The following LAPTM5 variants were observed in gnomAD, a reference collection of about 807,000 sequenced individuals.
LAPTM5 encodes the protein lysosomal-associated transmembrane protein 5.
In LAPTM5, 11 loss-of-function variants were observed where a neutral mutation model predicts 30.1. That is an observed-to-expected ratio of 0.37 (90% CI 0.23 to 0.60). The LOEUF (loss-of-function observed/expected upper bound fraction) is 0.60. Ranked by LOEUF, LAPTM5 falls within the 20% of genes least tolerant of loss-of-function variation. The pLI is 0.71. For missense variants in LAPTM5, 324 were observed against 332.5 expected (o/e 0.97, Z 0.20); for synonymous variants, 151 against 137.9 (o/e 1.10, Z -0.67).
chr1:30,735,462 G>A (rs911779750), intron 6 of LAPTM5, among the ~76,000 whole-genome samples, 197 bp from the exon 7 acceptor site: 12 of 152,082 alleles, frequency 7.9e-5, no homozygotes, highest in African/African-American at 2.9e-4. Flanking sequence ...CCTTTTCATT[G>A]CCCCACAGAT....
At chr1:30,749,341 T>C (rs1640095861) in intron 1 of LAPTM5, among the ~76,000 whole-genome samples, 1 of 152,112 alleles carries the variant, frequency 6.6e-6, no homozygotes, top group Non-Finnish European at 1.5e-5. Context: ...GGCGGGGCAG[T>C]GGCGAGGCGG....
chr1:30,749,035 A>G (rs1411027919), intron 1 of LAPTM5, among the ~76,000 whole-genome samples: 2 of 152,266 alleles, frequency 1.3e-5, no homozygotes, highest in African/African-American at 4.8e-5. Context: ...GTGGACACCC[A>G]GCACGGAGCC....
rs1640042928 is a variant in LAPTM5, at chr1:30,746,234, GA to G, written c.88-3686del. On this transcript the variant is annotated intron_variant, in intron 1 of 7. Coordinates refer to ENST00000294507, the MANE Select transcript of LAPTM5 (RefSeq NM_006762.3). The surrounding 1 kb of genome is among the most constrained non-coding windows in gnomAD (Gnocchi z 4.0). Reference sequence around the variant, plus strand: ...TTCCCCTGGGGCCATTGGGATGACAGAACGCAGGAGGGTCAGTGGGGTGGAG... The same window carrying G: ...TTCCCCTGGGGCCATTGGGATGACAGACGCAGGAGGGTCAGTGGGGTGGAG... 6.6e-6 allele frequency: 1 copy of G among 152,272 alleles called. No homozygotes were observed. The highest frequency in any genetic ancestry group is 1.5e-5 in the Non-Finnish European group (1 of 68,110). 9.4% of individuals were successfully genotyped at this position (152,272 alleles called of 1,614,324 possible).
At chr1:30,738,878 G>T in intron 5 of LAPTM5, 62 bp downstream of exon 5, 1 of 1,532,948 alleles carries the variant, frequency 6.5e-7, no homozygotes, top group Non-Finnish European at 8.8e-7. Flanking sequence ...ACAGAGACGT[G>T]AAGTAACCTG....
At chr1:30,750,656 A>G (rs1251372367) in intron 1 of LAPTM5, among the ~76,000 whole-genome samples, 6 of 152,134 alleles carry the variant, frequency 3.9e-5, no homozygotes, top group Non-Finnish European at 8.8e-5. Flanking sequence ...CCCCCATCCC[A>G]TGGCTGCCAG....
intron 6 of LAPTM5, among the ~76,000 whole-genome samples, chr1:30,736,440 T>G (rs959751196): frequency 1.3e-5 from 2 of 152,098 alleles, no homozygotes; most frequent in Admixed American, 1.3e-4. Flanking sequence ...TTGGTTTTTG[T>G]TTTTTGTTTT....
At chr1:30,741,954 AC>A in intron 2 of LAPTM5, 1 of 409,076 alleles carries the variant, frequency 2.4e-6, no homozygotes, top group Non-Finnish European at 4.5e-6. Flanking sequence ...GCTGGGGTCC[AC>A]TTCAGCCAGG....
chr1:30,753,451 C>T (rs1640165589), intron 1 of LAPTM5, among the ~76,000 whole-genome samples: 1 of 152,190 alleles, frequency 6.6e-6, no homozygotes, highest in African/African-American at 2.4e-5. Context: ...GTCAAGTTGG[C>T]AGAACCTTTT....
At chr1:30,753,817 A>G (rs2124201304) in intron 1 of LAPTM5, among the ~76,000 whole-genome samples, 1 of 152,310 alleles carries the variant, frequency 6.6e-6, no homozygotes, top group South Asian at 2.1e-4. Context: ...GCACCACACT[A>G]ACGTTGAGAC....
At position 30,737,636 on chromosome 1, in the gene LAPTM5, A is replaced by G; in HGVS notation, c.574T>C (p.Ser192Pro). ...ATAAGGACAGTGATGAAGGCGATGG[A>G]AAAGATGATCATCATCTTGATGAAC... is the stretch of plus-strand genomic sequence containing the variant. Reference protein sequence around the residue: ...NQFIKMMIIFSIAFITVLIFK... With the variant: ...NQFIKMMIIFPIAFITVLIFK... The change falls in exon 6 of 8, where the codon TCC (serine) becomes CCC (proline). Residue 192 changes from serine to proline, a missense_variant. By Grantham distance (74) the Ser-to-Pro change is moderately conservative (BLOSUM62 -1). Coordinates refer to ENST00000294507, the MANE Select transcript of LAPTM5 (RefSeq NM_006762.3). The G allele has an allele frequency of 6.2e-7, 1 of 1,613,600 alleles. No homozygotes were observed. Among genetic ancestry groups the G allele is most frequent in the Non-Finnish European group, 8.5e-7 (1 of 1,179,618 alleles).
intron 3 of LAPTM5, 95 bp downstream of exon 3, chr1:30,741,545 C>T: frequency 1.2e-6 from 1 of 828,126 alleles, no homozygotes; most frequent in Non-Finnish European, 1.8e-6. Context: ...CCTAACATAC[C>T]CGCCTCCCAC....
chr1:30,738,792 C>G, intron 5 of LAPTM5, 148 bp downstream of exon 5: 1 of 867,146 alleles, frequency 1.2e-6, no homozygotes, highest in South Asian at 1.8e-5. Flanking sequence ...TGAGAGGGCT[C>G]CCTCAATAAA....
rs536309221 is a variant in LAPTM5 at position 30,733,705 on chromosome 1, G to A, written c.*123C>T. ...GAGCAGGCCAGCGAGGGAGACACAA[G>A]CAGATTGTCCTGCCAGGGAGGGGCG... is the stretch of plus-strand genomic sequence containing the variant. On this transcript the variant is annotated 3_prime_UTR_variant, in exon 8 of 8. Coordinates refer to ENST00000294507, the MANE Select transcript of LAPTM5 (RefSeq NM_006762.3). 1.7e-5 allele frequency: 26 copies of A among 1,533,570 alleles called. 1 individual carries two copies. In the South Asian group the frequency reaches 3.1e-4, roughly 18 times the overall value. 95.0% of individuals were successfully genotyped at this position (1,533,570 alleles called of 1,614,324 possible). A position where few individuals can be genotyped will look rare whatever the true frequency, so the allele number is the denominator to read the frequency against.
Position 30,739,405 on chromosome 1 carries a change from G to A in LAPTM5, c.388-343C>T, listed in dbSNP as rs915475690. 6.6e-6 allele frequency among the ~76,000 whole-genome samples: 1 copy of A among 152,176 alleles called. No individual in the cohort carries two copies. The highest frequency in any genetic ancestry group is 1.5e-5 in the Non-Finnish European group (1 of 68,042). On this transcript the variant is annotated intron_variant, in intron 4 of 7. Transcript: ENST00000294507. The surrounding 1 kb of genome is among the most constrained non-coding windows in gnomAD (Gnocchi z 4.2). ...GCCCTCAAGCCACCCCACAGTGGGC[G>A]CTCACTGGCATGAATCATCCTTCTC...
At chr1:30,741,590 G>T in intron 3 of LAPTM5, 50 bp downstream of exon 3, 2 of 1,423,920 alleles carry the variant, frequency 1.4e-6, no homozygotes, top group East Asian at 2.5e-5. Context: ...CCACCAGTGG[G>T]TGTGAATAAC....
intron 3 of LAPTM5, among the ~76,000 whole-genome samples, chr1:30,741,259 A>G: frequency 6.6e-6 from 1 of 152,074 alleles, no homozygotes; most frequent in South Asian, 2.1e-4. Context: ...CCTCTCATCC[A>G]TTACAAAATC....
intron 1 of LAPTM5, among the ~76,000 whole-genome samples, chr1:30,747,203 G>A (rs1052975943): frequency 6.6e-6 from 1 of 152,192 alleles, no homozygotes; most frequent in African/African-American, 2.4e-5. Flanking sequence ...ACACAGAAGA[G>A]AAGAAAGCAT....
At chr1:30,757,512 A>G in intron 1 of LAPTM5, 147 bp downstream of exon 1, 1 of 822,438 alleles carries the variant, frequency 1.2e-6, no homozygotes, top group Non-Finnish European at 2.0e-6. Context: ...TGAGGCCCAG[A>G]GCAGGACAGG....
chr1:30,746,997 G>A lies in LAPTM5; in HGVS notation c.88-4448C>T, dbSNP rs1183883097. On this transcript the variant is annotated intron_variant, in intron 1 of 7. Coordinates refer to ENST00000294507, the MANE Select transcript of LAPTM5 (RefSeq NM_006762.3). The surrounding 1 kb of genome is among the most constrained non-coding windows in gnomAD (Gnocchi z 4.0). The stretch of plus-strand genomic sequence containing the variant: ...CCAAACTCTGTCTAGAAAAGCCACT[G>A]ACCCTGGCGTGCCGGTGTCACAGTC... 6.6e-6 allele frequency among the ~76,000 whole-genome samples: 1 copy of A among 152,148 alleles called. No homozygotes were observed. The highest frequency in any genetic ancestry group is 1.9e-4 in the East Asian group (1 of 5,202).
Sources: allele counts gnomAD v4.1 joint callset (sites outside exome capture counted in the v4.1 genomes callset), GRCh38; gene constraint gnomAD v4.1.1; non-coding constraint Gnocchi (gnomAD v3.1); transcripts MANE v1.5; gene names NCBI Gene and HGNC (gene_info 2026-07-23, HGNC 2026-07-21).